The following C12orf42 variants were observed in gnomAD, a reference collection of about 807,000 sequenced individuals.
C12orf42 encodes the protein chromosome 12 open reading frame 42, also known as uncharacterized protein C12orf42.
In C12orf42, 25 loss-of-function variants were observed where a neutral mutation model predicts 21.6. The ratio of observed to expected loss-of-function variants is 1.16; its 90% CI spans 0.84 to 1.62. The LOEUF is 1.62. C12orf42 is among the 40% of genes most tolerant of loss of function. The pLI is 0.00. For missense variants in C12orf42, 483 were observed against 459.3 expected (o/e 1.05, Z -0.47); for synonymous variants, 174 against 175.0 (o/e 0.99, Z 0.05).
intron 2 of C12orf42, among the ~76,000 whole-genome samples, chr12:103,474,326 A>C (rs1953865915): frequency 1.3e-5 from 2 of 152,160 alleles, no homozygotes; most frequent in Admixed American, 6.5e-5. Context: ...AAAATTGTAG[A>C]GTGCCATTTG....
chr12:103,147,535 A>C, the C12orf42 span, among the ~76,000 whole-genome samples: 1 of 113,832 alleles, frequency 8.8e-6, no homozygotes, highest in Admixed American at 9.4e-5. Flanking sequence ...CTTTCTGATG[A>C]AACTTCTGTC....
At chr12:103,166,121 A>G in the C12orf42 span, among the ~76,000 whole-genome samples, 3 of 152,148 alleles carry the variant, frequency 2.0e-5, no homozygotes, top group Non-Finnish European at 4.4e-5. Flanking sequence ...AAGTGTGAGT[A>G]GAAACACAGG....
chr12:103,295,382 A>C (rs2037190339), intron 4 of C12orf42, among the ~76,000 whole-genome samples: 1 of 152,006 alleles, frequency 6.6e-6, no homozygotes, highest in African/African-American at 2.4e-5. Flanking sequence ...TTCTTCATGG[A>C]ATAGTTTGTA....
chr12:103,080,531 A>T, the C12orf42 span, among the ~76,000 whole-genome samples: 1 of 152,208 alleles, frequency 6.6e-6, no homozygotes, highest in Non-Finnish European at 1.5e-5. Context: ...AAAAAAAGCT[A>T]CTTTATCCAG....
At chr12:103,189,865 A>T in the C12orf42 span, among the ~76,000 whole-genome samples, 1 of 152,178 alleles carries the variant, frequency 6.6e-6, no homozygotes, top group Non-Finnish European at 1.5e-5. Flanking sequence ...GGCCAGACTG[A>T]GTTGAGAAGC....
At chr12:103,222,537 G>C in the C12orf42 span, among the ~76,000 whole-genome samples, 1 of 152,192 alleles carries the variant, frequency 6.6e-6, no homozygotes, top group Admixed American at 6.5e-5. Flanking sequence ...CAGGGGATGC[G>C]ATAGCTTGGC....
chr12:103,217,909 C>G, the C12orf42 span, among the ~76,000 whole-genome samples: 1 of 152,176 alleles, frequency 6.6e-6, no homozygotes, highest in African/African-American at 2.4e-5. Context: ...ATCTCACTTA[C>G]TGTTGAAATC....
chr12:103,453,598 C>G (rs567688507), intron 2 of C12orf42, among the ~76,000 whole-genome samples: 1 of 152,046 alleles, frequency 6.6e-6, no homozygotes, highest in Non-Finnish European at 1.5e-5. Flanking sequence ...TCCCTAATAA[C>G]CTTTTGCTCC....
At chr12:103,296,020 C>A (rs1161715923) in intron 4 of C12orf42, among the ~76,000 whole-genome samples, 2 of 116,824 alleles carry the variant, frequency 1.7e-5, no homozygotes, top group African/African-American at 6.6e-5. Context: ...CCACTCCCCC[C>A]ACCCCACAAC....
intron 3 of C12orf42, among the ~76,000 whole-genome samples, chr12:103,375,405 A>T (rs1027261925): frequency 6.6e-6 from 1 of 152,208 alleles, no homozygotes. Flanking sequence ...AGTTTTAGGG[A>T]CAGTTGTATC....
chr12:103,504,785 TG>T, the C12orf42 span: 1 of 153,924 alleles, frequency 6.5e-6, no homozygotes, highest in Non-Finnish European at 1.5e-5. Context: ...TGAGACATGC[TG>T]GGGGGTACTG....
At chr12:103,369,368 A>G (rs1658390624) in intron 3 of C12orf42, among the ~76,000 whole-genome samples, 1 of 152,082 alleles carries the variant, frequency 6.6e-6, no homozygotes, top group Non-Finnish European at 1.5e-5. Flanking sequence ...AAATATATCT[A>G]CAATAGATTG....
chr12:103,170,869 G>T, the C12orf42 span, among the ~76,000 whole-genome samples: 36 of 152,218 alleles, frequency 2.4e-4, no homozygotes, highest in Non-Finnish European at 4.6e-4. Flanking sequence ...TTAGAGCCTC[G>T]TGATATCTTA....
chr12:103,097,354 A>C, the C12orf42 span, among the ~76,000 whole-genome samples: 1 of 152,264 alleles, frequency 6.6e-6, no homozygotes, highest in South Asian at 2.1e-4. Flanking sequence ...CATCTGATTA[A>C]GTAGACAAAG....
the C12orf42 span, among the ~76,000 whole-genome samples, chr12:103,225,256 G>A: frequency 6.6e-6 from 1 of 152,202 alleles, no homozygotes; most frequent in African/African-American, 2.4e-5. Flanking sequence ...AAAACAATTT[G>A]GTTGATAAGG....
chr12:103,451,585 G>A (rs1592871626), intron 2 of C12orf42, among the ~76,000 whole-genome samples: 1 of 152,014 alleles, frequency 6.6e-6, no homozygotes, highest in Non-Finnish European at 1.5e-5. Context: ...AAACTGGCCA[G>A]TTCTTTCTTA....
intron 4 of C12orf42, among the ~76,000 whole-genome samples, chr12:103,312,912 A>C (rs1371412004): frequency 6.6e-6 from 1 of 152,236 alleles, no homozygotes; most frequent in African/African-American, 2.4e-5. Flanking sequence ...TTTTGATACA[A>C]TAGAAAAAGA....
intron 2 of C12orf42, among the ~76,000 whole-genome samples, chr12:103,407,431 C>T (rs1309523543): frequency 6.6e-6 from 1 of 152,102 alleles, no homozygotes; most frequent in Admixed American, 6.6e-5. Context: ...CCTCTTCTTC[C>T]TCAGCATACT....
the C12orf42 span, among the ~76,000 whole-genome samples, chr12:103,172,957 C>T: frequency 6.6e-6 from 1 of 152,084 alleles, no homozygotes; most frequent in South Asian, 2.1e-4. Context: ...TAATTTACCT[C>T]CAATGACAAA....
Sources: gnomAD v4.1 joint callset for allele counts (sites outside exome capture counted in the v4.1 genomes callset) on GRCh38, gnomAD v4.1.1 for gene constraint, MANE v1.5 for transcripts, NCBI Gene and HGNC (gene_info 2026-07-23, HGNC 2026-07-21) for gene names.